TASP1: variants seen among roughly 807,000 people sequenced by gnomAD.
The protein encoded by TASP1 is threonine aspartase 1.
TASP1 carries 16 observed loss-of-function variants against 56.6 expected under a neutral mutation model. The observed-to-expected ratio is 0.28, with a 90% CI of 0.19 to 0.43. The LOEUF is 0.43. Ranked by LOEUF, TASP1 falls within the 20% of genes least tolerant of loss-of-function variation. The pLI is 1.00. For synonymous variants in TASP1, 179 were observed against 184.2 expected, an observed-to-expected ratio of 0.97 and a Z score of 0.23; for missense variants, 393 against 511.6, an observed-to-expected ratio of 0.77 and a Z score of 2.24.
At chr20:13,187,732 C>CAAAA in the TASP1 span, among the ~76,000 whole-genome samples, 303 of 57,032 alleles carry the variant, frequency 5.3e-3, no homozygotes, top group Middle Eastern at 0.015. Flanking sequence ...GACTCCATCT[C>CAAAA]AAAAAAAAAA....
the TASP1 span, among the ~76,000 whole-genome samples, chr20:13,261,861 C>T: frequency 6.6e-6 from 1 of 152,322 alleles, no homozygotes; most frequent in Non-Finnish European, 1.5e-5. Context: ...CCATCCATGT[C>T]CTTTGGCTTA....
chr20:13,304,138 A>C, the TASP1 span, among the ~76,000 whole-genome samples: 9 of 152,232 alleles, frequency 5.9e-5, no homozygotes, highest in Non-Finnish European at 1.3e-4. Context: ...TTGTAGGTTC[A>C]GCAGTGAAGT....
At chr20:13,236,500 A>C in the TASP1 span, among the ~76,000 whole-genome samples, 1 of 152,096 alleles carries the variant, frequency 6.6e-6, no homozygotes, top group South Asian at 2.1e-4. Flanking sequence ...TCATGTCCTA[A>C]CATTTCAAAA....
At chr20:13,571,226 A>G (rs1291573682) in intron 6 of TASP1, among the ~76,000 whole-genome samples, 1 of 151,832 alleles carries the variant, frequency 6.6e-6, no homozygotes, top group African/African-American at 2.4e-5. Flanking sequence ...TAAGGATACT[A>G]ACTATCTACC....
chr20:13,114,495 TAGTC>T, the TASP1 span, among the ~76,000 whole-genome samples: 424 of 152,290 alleles, frequency 2.8e-3, 2 homozygotes, highest in African/African-American at 9.6e-3. Flanking sequence ...CAAGGAATAA[TAGTC>T]AGCTCTTCTA....
At position 13,528,445 on chromosome 20, in the gene TASP1, C is replaced by A. The variant is rs1403757235; in HGVS notation, c.862G>T (p.Val288Leu). 6.2e-7 allele frequency: 1 copy of A among 1,610,298 alleles called. No individual in the cohort carries two copies. Among genetic ancestry groups the A allele is most frequent in the Non-Finnish European group, 8.5e-7 (1 of 1,177,890 alleles). Residue 288 changes from valine (V) to leucine (L), a missense_variant, in exon 10 of 14, where the codon GTG becomes TTG. Physicochemically the swap from Val to Leu is conservative, Grantham distance 32. Transcript: ENST00000337743. ...AAGCAGCAAATACCTGAGGTACTCACAGCTGTGGAGTAGGGGTTATGAGCT... is the reference window on the plus strand; with the variant it reads ...AAGCAGCAAATACCTGAGGTACTCAAAGCTGTGGAGTAGGGGTTATGAGCT... ...TGAHNPYSTAVSTSGCGEHLV... is the reference protein window; with the variant it reads ...TGAHNPYSTALSTSGCGEHLV...
chr20:13,117,744 G>C, the TASP1 span: 27 of 1,593,548 alleles, frequency 1.7e-5, 1 homozygote, highest in South Asian at 2.9e-4. Context: ...GGGCCTGCTT[G>C]TGTCTGTTTA....
rs1279376620 is a variant in TASP1 at position 13,390,194 on chromosome 20, CGT to C, written c.*164_*165del. The stretch of plus-strand genomic sequence containing the variant: ...GTCCCGCTCACCCACCAAAGGCCCG[CGT>C]GTCACTAAGCGCTAACTACAGCAGC... On this transcript the variant is annotated 3_prime_UTR_variant, in exon 14 of 14. Coordinates refer to ENST00000337743, the MANE Select transcript of TASP1 (RefSeq NM_017714.3). 4 of 604,236 alleles carry C rather than the reference CGT, an allele frequency of 6.6e-6. No individual in the cohort carries two copies. The highest frequency in any genetic ancestry group is 1.2e-5 in the Non-Finnish European group (4 of 342,722). 37.4% of individuals were successfully genotyped at this position (604,236 alleles called of 1,614,324 possible). A position where few individuals can be genotyped will look rare whatever the true frequency, so the allele number is the denominator to read the frequency against.
chr20:13,286,178 G>A, the TASP1 span, among the ~76,000 whole-genome samples: 3 of 152,190 alleles, frequency 2.0e-5, no homozygotes, highest in Non-Finnish European at 2.9e-5. Context: ...GGTGTGTGCA[G>A]GATGTGACTG....
intron 7 of TASP1, 38 bp downstream of exon 7, chr20:13,569,469 T>C (rs371931565): frequency 6.7e-5 from 102 of 1,523,092 alleles, no homozygotes; most frequent in Admixed American, 2.0e-4. Flanking sequence ...TAGGTATATA[T>C]GCTCATATAG....
chr20:13,115,858 G>A, the TASP1 span, among the ~76,000 whole-genome samples: 1 of 152,126 alleles, frequency 6.6e-6, no homozygotes, highest in African/African-American at 2.4e-5. Context: ...CATCCTGTTT[G>A]TATTGCATAT....
chr20:13,126,737 G>A, the TASP1 span: 5 of 1,613,238 alleles, frequency 3.1e-6, no homozygotes, highest in South Asian at 4.4e-5. Context: ...TCTGCAGAGA[G>A]CACAGCTCCT....
At chr20:13,279,829 C>A in the TASP1 span, 133 of 1,613,848 alleles carry the variant, frequency 8.2e-5, 1 homozygote, top group African/African-American at 1.6e-3. Flanking sequence ...CTTCCTCAAC[C>A]CCCCCAGGGG....
intron 10 of TASP1, among the ~76,000 whole-genome samples, chr20:13,495,535 C>G (rs751176216): frequency 7.2e-5 from 11 of 152,040 alleles, no homozygotes; most frequent in Non-Finnish European, 1.6e-4. Flanking sequence ...AATATCAATA[C>G]AGAAATTGTC....
chr20:13,258,132 C>T, the TASP1 span, among the ~76,000 whole-genome samples: 2 of 152,122 alleles, frequency 1.3e-5, no homozygotes, highest in Non-Finnish European at 2.9e-5. Flanking sequence ...CCCAAACATT[C>T]CGTTTACCTC....
chr20:13,575,189 T>G (rs2046854829), intron 6 of TASP1, among the ~76,000 whole-genome samples: 1 of 152,200 alleles, frequency 6.6e-6, no homozygotes, highest in African/African-American at 2.4e-5. Context: ...ATCACTAAAT[T>G]AGCTAACTAA....
intron 10 of TASP1, among the ~76,000 whole-genome samples, chr20:13,525,015 AC>A (rs2044917764): frequency 6.6e-6 from 1 of 152,176 alleles, no homozygotes; most frequent in South Asian, 2.1e-4. Context: ...CACTGATGAG[AC>A]ATCCCTAATT....
intron 7 of TASP1, among the ~76,000 whole-genome samples, chr20:13,562,261 T>G (rs1001148138): frequency 1.3e-5 from 2 of 151,918 alleles, no homozygotes; most frequent in African/African-American, 4.8e-5. Context: ...ATCAAAAGCC[T>G]TATGAAGGGA....
chr20:13,498,834 G>A (rs1212585932), intron 10 of TASP1, among the ~76,000 whole-genome samples: 1 of 146,154 alleles, frequency 6.8e-6, no homozygotes, highest in East Asian at 2.0e-4. Flanking sequence ...AAGCTGTGGA[G>A]AAAAGAGAAC....
Sources: allele counts gnomAD v4.1 joint callset (sites outside exome capture counted in the v4.1 genomes callset), GRCh38; gene constraint gnomAD v4.1.1; transcripts MANE v1.5; gene names NCBI Gene and HGNC (gene_info 2026-07-23, HGNC 2026-07-21).